STAT5B: variants seen among roughly 807,000 people sequenced by gnomAD.
STAT5B encodes the protein signal transducer and activator of transcription 5B, also known as transcription factor STAT5B.
A neutral mutation model predicts 107.8 loss-of-function variants in STAT5B; 21 were observed. The observed-to-expected ratio is 0.19, with a 90% CI of 0.14 to 0.28. The LOEUF is 0.28. STAT5B is among the 10% of genes least tolerant of loss of function. The probability of loss-of-function intolerance (pLI) is 1.00; values close to 1 mark genes in which losing one functional copy is unlikely to be tolerated. For missense variants in STAT5B, 565 were observed against 1,008.2 expected (o/e 0.56, Z 5.95); for synonymous variants, 325 against 401.7 (o/e 0.81, Z 2.28).
chr17:42,237,925 C>T (rs1353533543), intron 1 of STAT5B, among the ~76,000 whole-genome samples: 1 of 152,158 alleles, frequency 6.6e-6, no homozygotes, highest in Non-Finnish European at 1.5e-5. Context: ...AGAGCAGGTG[C>T]TCTGTAAGTA....
chr17:42,274,362 A>G (rs2080747216), intron 1 of STAT5B, among the ~76,000 whole-genome samples: 1 of 151,184 alleles, frequency 6.6e-6, no homozygotes, highest in Non-Finnish European at 1.5e-5. Context: ...CATCTTCCAG[A>G]GGCTACAGTA....
chr17:42,258,667 AGACTCC>A (rs2080568451), intron 1 of STAT5B, among the ~76,000 whole-genome samples: 1 of 152,274 alleles, frequency 6.6e-6, no homozygotes, highest in Non-Finnish European at 1.5e-5. Flanking sequence ...AAACAGAGCG[AGACTCC>A]GTCTCAAAAC....
chr17:42,252,013 AG>A (rs2080504449), intron 1 of STAT5B, among the ~76,000 whole-genome samples: 1 of 151,780 alleles, frequency 6.6e-6, no homozygotes, highest in Non-Finnish European at 1.5e-5. Context: ...AAAAAAAAAA[AG>A]AAAAAAAGAA....
At position 42,245,430 on chromosome 17, in the gene STAT5B, C is replaced by T. The variant is rs1216023122; in HGVS notation, c.-10-13293G>A. On this transcript the variant is annotated intron_variant, in intron 1 of 18. Coordinates refer to ENST00000293328, the MANE Select transcript of STAT5B (RefSeq NM_012448.4). ...GCAGTGGCATGATCTTGGCTCACTG[C>T]AACCCCCACCTCTCGCGTTCATGCA... Among the ~76,000 whole-genome samples the T allele has an allele frequency of 2.6e-5, 4 of 151,794 alleles. No individual in the cohort carries two copies. In the East Asian group the frequency reaches 7.8e-4, roughly 30 times the overall value.
chr17:42,217,741 T>G (rs1598302354), intron 9 of STAT5B: 1 of 480,064 alleles, frequency 2.1e-6, no homozygotes, highest in Non-Finnish European at 3.8e-6. Flanking sequence ...CAGGCTGGAG[T>G]GCAGTGGCGT....
chr17:42,271,761 T>G (rs559489753), intron 1 of STAT5B: 2 of 152,304 alleles, frequency 1.3e-5, no homozygotes, highest in African/African-American at 4.8e-5. Context: ...GACATAGTTA[T>G]TAAGAATAAA....
chr17:42,208,035 C>T (rs992545548), intron 15 of STAT5B, among the ~76,000 whole-genome samples: 14 of 152,170 alleles, frequency 9.2e-5, no homozygotes, highest in African/African-American at 3.4e-4. Context: ...GCTGGGATTA[C>T]AGGCACGCGC....
intron 3 of STAT5B, 25 bp downstream of exon 3, chr17:42,227,500 TTAAG>T: frequency 6.2e-7 from 1 of 1,612,218 alleles, no homozygotes; most frequent in Non-Finnish European, 8.5e-7. Context: ...GGGAAGGTAA[TTAAG>T]TGTGACCCCA....
chr17:42,281,791 C>T, the STAT5B span, among the ~76,000 whole-genome samples: 1 of 152,350 alleles, frequency 6.6e-6, no homozygotes, highest in Non-Finnish European at 1.5e-5. Flanking sequence ...TCCCCCGACC[C>T]CGCCTCTTGG....
the STAT5B span, among the ~76,000 whole-genome samples, chr17:42,287,330 A>ACCTC: frequency 6.9e-6 from 1 of 144,446 alleles, no homozygotes; most frequent in Non-Finnish European, 1.5e-5. Flanking sequence ...ATGAGAATGC[A>ACCTC]CCCCCCCCAA....
intron 1 of STAT5B, among the ~76,000 whole-genome samples, chr17:42,245,521 T>C (rs1487683434): frequency 6.6e-6 from 1 of 151,798 alleles, no homozygotes; most frequent in African/African-American, 2.4e-5. Flanking sequence ...CCTGGCTAAT[T>C]TTTTATTTTT....
chr17:42,232,469 G>A (rs2080325298), intron 1 of STAT5B, among the ~76,000 whole-genome samples: 1 of 151,702 alleles, frequency 6.6e-6, no homozygotes, highest in Non-Finnish European at 1.5e-5. Flanking sequence ...GGCTGGTCTC[G>A]AACTCCTGAC....
At chr17:42,234,165 G>A (rs1167079193) in intron 1 of STAT5B, 1 of 152,194 alleles carries the variant, frequency 6.6e-6, no homozygotes, top group African/African-American at 2.4e-5. Context: ...AGTGTGTCAG[G>A]AAATAAAAAT....
In STAT5B at chr17:42,219,221, G is replaced by T. The variant is rs1279307872; in HGVS notation, c.833+91C>A. ...CAAGAGCTGTCCCAGGATGGAGGGGGCCTGCTGCAGGAGCCAGCACAGGAC... is the reference window on the plus strand; with the variant it reads ...CAAGAGCTGTCCCAGGATGGAGGGGTCCTGCTGCAGGAGCCAGCACAGGAC... On this transcript the variant is annotated intron_variant, in intron 7 of 18. Transcript: ENST00000293328. 7 of 1,477,748 alleles carry T rather than the reference G, an allele frequency of 4.7e-6. No individual in the cohort carries two copies. The East Asian group carries it at 1.5e-4, about 31-fold the overall frequency. The allele number at this position is 1,477,748 out of a possible 1,614,324, so 91.5% of individuals were successfully genotyped here. A position where few individuals can be genotyped will look rare whatever the true frequency, so the allele number is the denominator to read the frequency against.
At chr17:42,203,078 A>C (rs925133022) in intron 16 of STAT5B, 42 of 474,176 alleles carry the variant, frequency 8.9e-5, no homozygotes, top group African/African-American at 7.1e-4. Flanking sequence ...GAGTAGCTGG[A>C]TTACAGGTAC....
At chr17:42,205,763 A>G (rs1400262429) in intron 16 of STAT5B, among the ~76,000 whole-genome samples, 1 of 152,014 alleles carries the variant, frequency 6.6e-6, no homozygotes, top group Non-Finnish European at 1.5e-5. Context: ...AAAATAATTA[A>G]CCAGGATTGG....
chr17:42,278,835 T>TG (rs1289193551), upstream of STAT5B, among the ~76,000 whole-genome samples: 2 of 151,790 alleles, frequency 1.3e-5, no homozygotes, highest in African/African-American at 4.8e-5. Context: ...AAAAATTAGC[T>TG]GGACGTGGTG....
intron 11 of STAT5B, among the ~76,000 whole-genome samples, chr17:42,216,692 CTTT>C (rs1189393108): frequency 1.2e-4 from 16 of 138,540 alleles, no homozygotes; most frequent in African/African-American, 8.0e-5. Context: ...TTGTTCATGT[CTTT>C]TTTTTTTTTT....
Position 42,227,586 on chromosome 17 carries a change from C to A in STAT5B, c.228G>T (p.Val76=), listed in dbSNP as rs553370889. The part of the protein sequence containing the change: ...QELQKKAEHQ[V]GEDGFLLKIK... ...TCTTCAGTAAAAACCCATCTTCCCC[C>A]ACCTGGTGCTCTGCCTTCTTCTGCA... Residue 76 remains valine (V), a synonymous_variant, in exon 3 of 19, where the codon GTG becomes GTT. Transcript: ENST00000293328. The A allele has an allele frequency of 3.4e-5, 55 of 1,613,880 alleles. No homozygotes were observed. The South Asian group carries it at 5.6e-4, about 16-fold the overall frequency.
Sources: gnomAD v4.1 joint callset for allele counts (sites outside exome capture counted in the v4.1 genomes callset) on GRCh38, gnomAD v4.1.1 for gene constraint, MANE v1.5 for transcripts, NCBI Gene and HGNC (gene_info 2026-07-23, HGNC 2026-07-21) for gene names.